GBP6: variants seen among roughly 807,000 people sequenced by gnomAD.
The protein encoded by GBP6 is guanylate-binding protein 6.
Under a neutral mutation model 61.5 loss-of-function variants are expected in GBP6, and 54 were observed. The observed-to-expected ratio is 0.88, with a 90% CI of 0.71 to 1.10. The LOEUF is 1.10. Among genes scored for constraint, GBP6 ranks in the 50% least tolerant of loss-of-function variants. GBP6 has a pLI of 0.00. For synonymous variants in GBP6, 255 were observed against 273.7 expected, an observed-to-expected ratio of 0.93 and a Z score of 0.67; for missense variants, 748 against 752.8, an observed-to-expected ratio of 0.99 and a Z score of 0.07.
At chr1:89,364,877 C>G (rs900299941) in intron 1 of GBP6, among the ~76,000 whole-genome samples, 1 of 151,392 alleles carries the variant, frequency 6.6e-6, no homozygotes, top group Admixed American at 6.6e-5. Context: ...GTTTGCTGCA[C>G]CTATCAATCC....
rs747259408 is a variant in GBP6, at chr1:89,382,758, G to A, written c.1247G>A (p.Gly416Glu). 6 of 1,613,908 alleles carry A rather than the reference G, an allele frequency of 3.7e-6. No homozygotes were observed. In the Admixed American group the frequency reaches 6.7e-5, roughly 18 times the overall value. ...CQAKLNELSK[G>E]LMESISAGSF... ...GCTAAACTCAATGAGCTCTCAAAGG[G>A]ACTAATGGAAAGTATCTCAGCAGGA... is the stretch of plus-strand genomic sequence containing the variant. Residue 416 changes from glycine to glutamate, a missense_variant, in exon 8 of 11, where the codon GGA (glycine) becomes GAA (glutamate). By Grantham distance (98) the Gly-to-Glu change is moderately conservative (BLOSUM62 -2). Transcript: ENST00000370456.
intron 3 of GBP6, among the ~76,000 whole-genome samples, chr1:89,373,406 GAACC>G (rs1652701558): frequency 6.6e-6 from 1 of 152,154 alleles, no homozygotes; most frequent in South Asian, 2.1e-4. Context: ...CAAAGACTTG[GAACC>G]AACCCAGATG....
chr1:89,385,088 C>G (rs1653096714), intron 10 of GBP6, 142 bp from the exon 11 acceptor site: 1 of 721,170 alleles, frequency 1.4e-6, no homozygotes, highest in East Asian at 2.7e-5. Flanking sequence ...CTCACAATGT[C>G]TAGGTCCAAA....
In GBP6 at chr1:89,384,254, G is replaced by A. The variant is rs1188638154; in HGVS notation, c.1630G>A (p.Glu544Lys). 3.7e-6 allele frequency: 6 copies of A among 1,613,510 alleles called. No individual in the cohort carries two copies. Among genetic ancestry groups the A allele is most frequent in the Non-Finnish European group, 8.5e-7 (1 of 1,179,854 alleles). The change falls in exon 10 of 11, where the codon GAG becomes AAG. Residue 544 changes from glutamate (E) to lysine (K), a missense_variant. By Grantham distance (56) the Glu-to-Lys change is moderately conservative (BLOSUM62 1). Coordinates refer to ENST00000370456, the MANE Select transcript of GBP6 (RefSeq NM_198460.3). ...LQMEREHLLR[E>K]QIMMLEHTQK... ...GATGGAGAGAGAACACCTACTGAGA[G>A]AGCAGATTATGATGTTGGAGCACAC...
intron 4 of GBP6, 67 bp from the exon 5 acceptor site, chr1:89,378,350 T>C (rs1199322392): frequency 2.9e-5 from 45 of 1,550,004 alleles, no homozygotes; most frequent in Non-Finnish European, 3.5e-5. Flanking sequence ...AGAGTGTTTA[T>C]AATATTTTTA....
intron 5 of GBP6, among the ~76,000 whole-genome samples, chr1:89,379,332 C>T (rs1446814657): frequency 1.4e-5 from 1 of 70,548 alleles, no homozygotes; most frequent in Non-Finnish European, 2.7e-5. Context: ...TCCCACTAGG[C>T]CCACCTCCAA....
Position 89,385,570 on chromosome 1 carries a change from G to A in GBP6, c.*101G>A, listed in dbSNP as rs1179587208. The A allele has an allele frequency of 8.7e-7, 1 of 1,144,676 alleles. No homozygotes were observed. Among genetic ancestry groups the A allele is most frequent in the Non-Finnish European group, 1.2e-6 (1 of 841,602 alleles). 70.9% of individuals were successfully genotyped at this position (1,144,676 alleles called of 1,614,324 possible). On this transcript the variant is annotated 3_prime_UTR_variant, in exon 11 of 11. Coordinates refer to ENST00000370456, the MANE Select transcript of GBP6 (RefSeq NM_198460.3). Reference sequence around the variant, plus strand: ...TTTTTTTTTTTCAGAGTCTTACTCTGTTGCCCAGGCTGGAGTACAGTGGTG... The same window carrying A: ...TTTTTTTTTTTCAGAGTCTTACTCTATTGCCCAGGCTGGAGTACAGTGGTG...
intron 7 of GBP6, among the ~76,000 whole-genome samples, chr1:89,382,430 A>T (rs999219130): frequency 9.2e-5 from 14 of 152,240 alleles, no homozygotes; most frequent in African/African-American, 2.9e-4. Flanking sequence ...TAGTCTCATC[A>T]TGTCACAGAT....
rs769819336 is a variant in GBP6, at chr1:89,385,330, A to G, written c.1763A>G (p.Asp588Gly). Residue 588 changes from aspartate (D) to glycine (G), a missense_variant, in exon 11 of 11, where the codon GAT becomes GGT. Physicochemically the swap from Asp to Gly is moderately conservative, Grantham distance 94. Coordinates refer to ENST00000370456, the MANE Select transcript of GBP6 (RefSeq NM_198460.3). ...FKRMIDTTKN[D>G]DTPWIARTLD... is the part of the protein sequence containing the mutation. ...CGTATGATTGATACTACAAAAAATGATGATACTCCCTGGATTGCACGAACC... is the reference window on the plus strand; with the variant it reads ...CGTATGATTGATACTACAAAAAATGGTGATACTCCCTGGATTGCACGAACC... 1 of 1,614,160 alleles carries G rather than the reference A, an allele frequency of 6.2e-7. No individual in the cohort carries two copies. Among genetic ancestry groups the G allele is most frequent in the South Asian group, 1.1e-5 (1 of 91,090 alleles).
rs1350430386 is a variant in GBP6 at position 89,386,707 on chromosome 1, C to T, written c.*1238C>T. Among the ~76,000 whole-genome samples the T allele has an allele frequency of 1.3e-5, 2 of 152,178 alleles. No homozygotes were observed. The highest frequency in any genetic ancestry group is 4.8e-5 in the African/African-American group (2 of 41,426). ...AATTCAAGTTTTAAGGTGTTAGAAG[C>T]ATAAATTACCAAACATTAAGATTAA... On this transcript the variant is annotated 3_prime_UTR_variant, in exon 11 of 11. Coordinates refer to ENST00000370456, the MANE Select transcript of GBP6 (RefSeq NM_198460.3).
intron 9 of GBP6, 34 bp from the exon 10 acceptor site, chr1:89,384,059 A>G (rs372575250): frequency 6.4e-7 from 1 of 1,551,650 alleles, no homozygotes. Context: ...TTCACCTATT[A>G]TTTTCTTCTC....
chr1:89,380,755 A>C, intron 6 of GBP6, 124 bp downstream of exon 6: 1 of 814,946 alleles, frequency 1.2e-6, no homozygotes, highest in Non-Finnish European at 1.9e-6. Context: ...ATTCACACTC[A>C]GTGAAGAAAT....
rs1557537023 is a variant in GBP6, at chr1:89,369,668, GA to G, written c.317del (p.Lys106ArgfsTer26). 6.2e-7 allele frequency: 1 copy of G among 1,613,654 alleles called. No individual in the cohort carries two copies. The highest frequency in any genetic ancestry group is 1.1e-5 in the South Asian group (1 of 91,026). On this transcript the variant is annotated frameshift_variant, in exon 3 of 11. Coordinates refer to ENST00000370456, the MANE Select transcript of GBP6 (RefSeq NM_198460.3). LOFTEE classifies it high-confidence loss of function. The part of the protein sequence containing the change: ...LLDTEGLGDV[E>X]KGDPKNDSWI... ...GGACACCGAAGGTCTGGGCGATGTG[GA>G]AAAGGTAAGACAGAGAGTCATAGAC...
chr1:89,385,310 GA>G lies in GBP6; in HGVS notation c.1744del (p.Ile582LeufsTer23), dbSNP rs1312643610. 5.6e-6 allele frequency: 9 copies of G among 1,613,980 alleles called. No individual in the cohort carries two copies. Among genetic ancestry groups the G allele is most frequent in the Non-Finnish European group, 7.6e-6 (9 of 1,179,960 alleles). ...NAEISQFKRM[I>X]DTTKNDDTPW... is the part of the protein sequence containing the mutation. Reference sequence around the variant, plus strand: ...CAGAGATAAGTCAATTTAAACGTATGATTGATACTACAAAAAATGATGATAC... The same window carrying G: ...CAGAGATAAGTCAATTTAAACGTATGTTGATACTACAAAAAATGATGATAC... On this transcript the variant is annotated frameshift_variant, in exon 11 of 11. Coordinates refer to ENST00000370456, the MANE Select transcript of GBP6 (RefSeq NM_198460.3). LOFTEE classifies it low-confidence loss of function (END_TRUNC).
chr1:89,374,471 T>C (rs1399351641), intron 3 of GBP6, among the ~76,000 whole-genome samples: 1 of 152,194 alleles, frequency 6.6e-6, no homozygotes, highest in Non-Finnish European at 1.5e-5. Context: ...TTGGATCACA[T>C]GGTAGTTCTA....
rs373092127 is a variant in GBP6, at chr1:89,378,425, C to T, written c.437C>T (p.Thr146Met). ...HQALEQLHYV[T>M]ELTELIKAKS... ...CCTTACCTAAGTCCTAGTTATGTGA[C>T]GGAGCTCACAGAACTAATTAAGGCA... The change falls in exon 5 of 11, where the codon ACG (threonine) becomes ATG (methionine). Residue 146 changes from threonine to methionine, a missense_variant. Transcript: ENST00000370456. The T allele has an allele frequency of 5.5e-5, 88 of 1,612,960 alleles. 1 individual carries two copies. In the South Asian group the frequency reaches 5.9e-4, roughly 11 times the overall value.
At position 89,378,562 on chromosome 1, in the gene GBP6, C is replaced by T. The variant is rs1652873208; in HGVS notation, c.574C>T (p.His192Tyr). The T allele has an allele frequency of 6.2e-7, 1 of 1,613,904 alleles. No individual in the cohort carries two copies. Among genetic ancestry groups the T allele is most frequent in the East Asian group, 2.2e-5 (1 of 44,880 alleles). ...CACTCTGGAGCTGAAGTTGAACGGTCACCCTATCACAGAAGATGAATACCT... is the reference window on the plus strand; with the variant it reads ...CACTCTGGAGCTGAAGTTGAACGGTTACCCTATCACAGAAGATGAATACCT... ...DFTLELKLNG[H>Y]PITEDEYLEN... Residue 192 changes from histidine (H) to tyrosine (Y), a missense_variant, in exon 5 of 11, where the codon CAC becomes TAC. Transcript: ENST00000370456.
In GBP6 at chr1:89,380,625, G is replaced by A. The variant is rs1652950667; in HGVS notation, c.865G>A (p.Gly289Arg). Residue 289 changes from glycine (G) to arginine (R), a missense_variant, in exon 6 of 11, where the codon GGG (glycine) becomes AGG (arginine). Coordinates refer to ENST00000370456, the MANE Select transcript of GBP6 (RefSeq NM_198460.3). ...CCTCAGGGAGGGAATCACAGTCACT[G>A]GGAATCGTGAGTCTCCTTTTTACTT... ...KTLREGITVTGNRLGTLAVTY... is the reference protein window; with the variant it reads ...KTLREGITVTRNRLGTLAVTY... 2.5e-6 allele frequency: 4 copies of A among 1,613,180 alleles called. No homozygotes were observed. The highest frequency in any genetic ancestry group is 3.4e-6 in the Non-Finnish European group (4 of 1,179,306).
At chr1:89,367,565 C>T (rs1652498345) in intron 1 of GBP6, among the ~76,000 whole-genome samples, 1 of 152,108 alleles carries the variant, frequency 6.6e-6, no homozygotes, top group Non-Finnish European at 1.5e-5. Context: ...CTATCAGAAA[C>T]ATGATTTGCA....
Sources: allele counts gnomAD v4.1 joint callset (sites outside exome capture counted in the v4.1 genomes callset), GRCh38; gene constraint gnomAD v4.1.1; transcripts MANE v1.5; gene names NCBI Gene and HGNC (gene_info 2026-07-23, HGNC 2026-07-21).